The following AGBL4 variants were observed in gnomAD, a reference collection of about 807,000 sequenced individuals.
AGBL4 encodes the protein cytosolic carboxypeptidase 6.
AGBL4 carries 58 observed loss-of-function variants against 66.4 expected under a neutral mutation model. The observed-to-expected ratio is 0.87, with a 90% CI of 0.71 to 1.09. The LOEUF (loss-of-function observed/expected upper bound fraction) is 1.09, where lower values mean the gene tolerates loss of function less well. AGBL4 is among the 50% of genes least tolerant of loss of function. The pLI is 0.00. For missense variants in AGBL4, 579 were observed against 631.0 expected (o/e 0.92, Z 0.88); for synonymous variants, 234 against 222.9 (o/e 1.05, Z -0.44).
In AGBL4 at chr1:48,736,429, C is replaced by G. The variant is rs1649065286; in HGVS notation, c.635-73188G>C. The G allele has an allele frequency of 6.2e-7, 1 of 1,614,022 alleles. No individual in the cohort carries two copies. Among genetic ancestry groups the G allele is most frequent in the Admixed American group, 1.7e-5 (1 of 59,996 alleles). On this transcript the variant is annotated intron_variant, in intron 6 of 13. Coordinates refer to ENST00000371839, the MANE Select transcript of AGBL4 (RefSeq NM_032785.4). The surrounding 1 kb of genome is among the most constrained non-coding windows in gnomAD (Gnocchi z 4.0). The stretch of plus-strand genomic sequence containing the variant: ...GCTGGTGCCATTTCTCCTCATCAAC[C>G]CAAATCCCGCTTCCCAGATGGACCT...
intron 9 of AGBL4, 107 bp from the exon 10 acceptor site, chr1:48,591,092 C>CCCCCG: frequency 2.3e-5 from 16 of 709,132 alleles, no homozygotes; most frequent in South Asian, 4.3e-5. Flanking sequence ...ACCCACCCAC[C>CCCCCG]CCCCCCCACA....
At chr1:49,101,904 G>A (rs1201108309) in intron 4 of AGBL4, among the ~76,000 whole-genome samples, 1 of 152,118 alleles carries the variant, frequency 6.6e-6, no homozygotes, top group Non-Finnish European at 1.5e-5. Context: ...TGAGAATCTG[G>A]CTGGGAGCTT....
chr1:49,818,198 A>C (rs1201414852), intron 2 of AGBL4, among the ~76,000 whole-genome samples: 1 of 152,150 alleles, frequency 6.6e-6, no homozygotes, highest in Non-Finnish European at 1.5e-5. Flanking sequence ...ACATAAGACA[A>C]TGTGTAAATG....
intron 4 of AGBL4, among the ~76,000 whole-genome samples, chr1:49,061,980 C>T (rs1319677674): frequency 6.6e-6 from 1 of 152,138 alleles, no homozygotes; most frequent in Non-Finnish European, 1.5e-5. Flanking sequence ...GGCGAGCAAG[C>T]GTTACTGCTT....
chr1:49,660,306 G>A (rs1443375759), intron 3 of AGBL4, among the ~76,000 whole-genome samples: 9 of 151,966 alleles, frequency 5.9e-5, no homozygotes, highest in South Asian at 2.1e-4. Flanking sequence ...ATGAACAGAC[G>A]CTTCTCCAAA....
At chr1:49,032,074 T>C (rs1664273408) in intron 5 of AGBL4, among the ~76,000 whole-genome samples, 1 of 152,088 alleles carries the variant, frequency 6.6e-6, no homozygotes, top group Non-Finnish European at 1.5e-5. Flanking sequence ...GATGGGCCAA[T>C]GTGTATACAA....
At chr1:49,520,868 G>A (rs1408355775) in intron 3 of AGBL4, among the ~76,000 whole-genome samples, 1 of 149,498 alleles carries the variant, frequency 6.7e-6, no homozygotes, top group African/African-American at 2.5e-5. Flanking sequence ...GGAGTGCAGT[G>A]GCATGATCTC....
intron 3 of AGBL4, among the ~76,000 whole-genome samples, chr1:49,301,951 G>A (rs1222598002): frequency 6.6e-6 from 1 of 152,132 alleles, no homozygotes; most frequent in Non-Finnish European, 1.5e-5. Flanking sequence ...ATGGATTTGA[G>A]GAAATATCTC....
intron 1 of AGBL4, among the ~76,000 whole-genome samples, chr1:49,927,949 C>G (rs1306664554): frequency 1.3e-5 from 2 of 152,156 alleles, no homozygotes; most frequent in Non-Finnish European, 2.9e-5. Flanking sequence ...GTTATTTTAA[C>G]TGTATTCCAT....
chr1:48,961,964 T>G (rs1431379357), intron 5 of AGBL4, among the ~76,000 whole-genome samples: 3 of 152,118 alleles, frequency 2.0e-5, no homozygotes, highest in Non-Finnish European at 4.4e-5. Context: ...TGGGTATGGA[T>G]TCTGATTCAA....
At chr1:48,923,800 G>C (rs764772048) in intron 5 of AGBL4, among the ~76,000 whole-genome samples, 2 of 152,184 alleles carry the variant, frequency 1.3e-5, no homozygotes, top group Non-Finnish European at 2.9e-5. Context: ...ATGTACATTT[G>C]TGTTCATACA....
chr1:50,014,536 CTTTTTTT>C (rs886696766), intron 1 of AGBL4, among the ~76,000 whole-genome samples: 12 of 109,026 alleles, frequency 1.1e-4, no homozygotes, highest in African/African-American at 1.4e-4. Flanking sequence ...CAGAGGATTT[CTTTTTTT>C]TTTTTTTTTT....
chr1:49,520,672 T>G (rs1255660903), intron 3 of AGBL4, among the ~76,000 whole-genome samples: 1 of 152,002 alleles, frequency 6.6e-6, no homozygotes, highest in Non-Finnish European at 1.5e-5. Context: ...CCTGGCTGCC[T>G]GATCTGATTC....
chr1:49,611,865 G>C (rs1014112848), intron 3 of AGBL4, among the ~76,000 whole-genome samples: 1 of 152,018 alleles, frequency 6.6e-6, no homozygotes, highest in African/African-American at 2.4e-5. Context: ...TAATTTCTCA[G>C]GAAATATTTT....
chr1:49,975,800 T>G (rs1658508515), intron 1 of AGBL4, among the ~76,000 whole-genome samples: 1 of 152,248 alleles, frequency 6.6e-6, no homozygotes, highest in African/African-American at 2.4e-5. Flanking sequence ...GCACGGTTTC[T>G]GCACATTTGG....
In AGBL4 at chr1:48,534,065, A is replaced by G. The variant is rs1643931224; in HGVS notation, c.*108T>C. 6.7e-7 allele frequency: 1 copy of G among 1,488,372 alleles called. No individual in the cohort carries two copies. The highest frequency in any genetic ancestry group is 2.0e-5 in the Admixed American group (1 of 50,854). 92.2% of individuals were successfully genotyped at this position (1,488,372 alleles called of 1,614,324 possible). ...TGTATCCCTTCCCTTTCACTAGCCTATGCATTAATCCACAAATCCTTGGAA... is the reference window on the plus strand; with the variant it reads ...TGTATCCCTTCCCTTTCACTAGCCTGTGCATTAATCCACAAATCCTTGGAA... On this transcript the variant is annotated 3_prime_UTR_variant, in exon 14 of 14. Transcript: ENST00000371839.
At chr1:48,663,070 A>T in intron 7 of AGBL4, 82 bp downstream of exon 7, 1 of 1,286,520 alleles carries the variant, frequency 7.8e-7, no homozygotes, top group Non-Finnish European at 1.1e-6. Flanking sequence ...ATGGCTCTGC[A>T]TGTGGCCACA....
At chr1:49,388,633 T>C (rs972274670) in intron 3 of AGBL4, among the ~76,000 whole-genome samples, 2 of 152,160 alleles carry the variant, frequency 1.3e-5, no homozygotes, top group African/African-American at 2.4e-5. Flanking sequence ...CACAGAAATA[T>C]GACTCAGGAT....
intron 6 of AGBL4, among the ~76,000 whole-genome samples, chr1:48,841,410 CCCA>C (rs74954897): frequency 0.035 from 4,746 of 137,182 alleles, 300 homozygotes; most frequent in African/African-American, 0.12. Context: ...ACCCCCCCCC[CCCA>C]AAAAAAAAGA....
Sources: gnomAD v4.1 joint callset for allele counts (sites outside exome capture counted in the v4.1 genomes callset) on GRCh38, gnomAD v4.1.1 for gene constraint, Gnocchi (gnomAD v3.1) non-coding constraint, MANE v1.5 for transcripts, NCBI Gene and HGNC (gene_info 2026-07-23, HGNC 2026-07-21) for gene names.